CTTNBP2: variants seen among roughly 807,000 people sequenced by gnomAD.
CTTNBP2 encodes cortactin binding protein 2.
In CTTNBP2, 108 loss-of-function variants were observed where a neutral mutation model predicts 156.9. The observed-to-expected ratio is 0.69, with a 90% CI of 0.59 to 0.81. CTTNBP2 has a LOEUF of 0.81. Among genes scored for constraint, CTTNBP2 ranks in the 30% least tolerant of loss-of-function variants. The pLI, the probability that CTTNBP2 is intolerant of heterozygous loss-of-function variation, is 0.00. For synonymous variants in CTTNBP2, 767 were observed against 751.8 expected (o/e 1.02, Z -0.33); for missense variants, 1,924 against 2,035.4 (o/e 0.95, Z 1.05).
rs143726873 is a variant in CTTNBP2, at chr7:117,765,309, T to C, written c.2896+1750A>G. ...CTTATGGAAGTAATCATAATCTAAA[T>C]GCATATCCTGTCTTTTTTACTTCTC... On this transcript the variant is annotated intron_variant, in intron 9 of 22. Coordinates refer to ENST00000160373, the MANE Select transcript of CTTNBP2 (RefSeq NM_033427.3). 4.6e-5 allele frequency among the ~76,000 whole-genome samples: 7 copies of C among 152,324 alleles called. No individual in the cohort carries two copies. In the East Asian group the frequency reaches 1.4e-3, roughly 29 times the overall value.
At position 117,719,609 on chromosome 7, in the gene CTTNBP2, C is replaced by T. The variant is rs149265601; in HGVS notation, c.4539G>A (p.Thr1513=). The T allele has an allele frequency of 4.6e-5, 75 of 1,613,690 alleles. No individual in the cohort carries two copies. Among genetic ancestry groups the T allele is most frequent in the Non-Finnish European group, 5.3e-5 (62 of 1,179,784 alleles). Residue 1513 remains threonine (T), a synonymous_variant, in exon 21 of 23, where the codon ACG becomes ACA. Transcript: ENST00000160373. ...GAGAGAGTCTCTGATCCAAATTCAA[C>T]GTCAGTGATAGATCATTCTCTAAAG... ...QKSLENDLSL[T]LNLDQRLSLG... is the part of the protein sequence containing the mutation.
chr7:117,852,991 G>T (rs1018150358), intron 2 of CTTNBP2, among the ~76,000 whole-genome samples: 5 of 152,086 alleles, frequency 3.3e-5, no homozygotes, highest in East Asian at 1.9e-4. Flanking sequence ...TAAAGTAGGG[G>T]TACTACCACT....
chr7:117,726,661 C>G (rs1795109675), intron 17 of CTTNBP2, among the ~76,000 whole-genome samples: 1 of 152,142 alleles, frequency 6.6e-6, no homozygotes, highest in Non-Finnish European at 1.5e-5. Context: ...ATAATAAAAA[C>G]AACATCTTCC....
rs1798371570 is a variant in CTTNBP2 at position 117,780,593 on chromosome 7, TA to T, written c.2373-3del. 3 of 1,560,502 alleles carry T rather than the reference TA, an allele frequency of 1.9e-6. No individual in the cohort carries two copies. The highest frequency in any genetic ancestry group is 2.6e-6 in the Non-Finnish European group (3 of 1,155,422). On this transcript the variant is annotated splice_region_variant and splice_polypyrimidine_tract_variant and intron_variant, in intron 6 of 22. Coordinates refer to ENST00000160373, the MANE Select transcript of CTTNBP2 (RefSeq NM_033427.3). ...TATGAAATTAATAATTCTACACACC[TA>T]AACACAAGATTAGGATTAATTACAT...
intron 16 of CTTNBP2, among the ~76,000 whole-genome samples, chr7:117,729,766 G>A (rs527347128): frequency 3.3e-5 from 5 of 152,180 alleles, no homozygotes; most frequent in African/African-American, 1.2e-4. Flanking sequence ...CAGTCTTGAA[G>A]TACAGACAGA....
intron 2 of CTTNBP2, among the ~76,000 whole-genome samples, chr7:117,816,506 TCCCCATGAACTGCCAA>T (rs977234292): frequency 5.9e-5 from 9 of 152,026 alleles, no homozygotes; most frequent in Admixed American, 3.9e-4. Context: ...CCCACATATC[TCCCCATGAACTGCCAA>T]CCCTCACTGC....
chr7:117,741,993 A>G (rs1285270636), intron 14 of CTTNBP2, among the ~76,000 whole-genome samples: 1 of 152,224 alleles, frequency 6.6e-6, no homozygotes, highest in Non-Finnish European at 1.5e-5. Flanking sequence ...ATCATATAAC[A>G]TGTGTGTGGG....
At chr7:117,784,552 C>T (rs1798609006) in intron 4 of CTTNBP2, 98 bp from the exon 5 acceptor site, 1 of 784,174 alleles carries the variant, frequency 1.3e-6, no homozygotes, top group Admixed American at 3.0e-5. Flanking sequence ...AACATATGAA[C>T]ATGTGTCCCT....
At chr7:117,781,376 C>T (rs1233340215) in intron 6 of CTTNBP2, among the ~76,000 whole-genome samples, 5 of 152,338 alleles carry the variant, frequency 3.3e-5, no homozygotes, top group Admixed American at 3.3e-4. Context: ...TTTTCCCTTG[C>T]AGTATCTGAT....
At chr7:117,788,868 C>A (rs978010001) in intron 4 of CTTNBP2, among the ~76,000 whole-genome samples, 1 of 152,030 alleles carries the variant, frequency 6.6e-6, no homozygotes, top group Non-Finnish European at 1.5e-5. Flanking sequence ...GGTTATTCTA[C>A]CAAAAGTAAT....
chr7:117,812,522 AT>A (rs556149367), intron 2 of CTTNBP2, among the ~76,000 whole-genome samples: 197 of 152,196 alleles, frequency 1.3e-3, no homozygotes, highest in African/African-American at 4.3e-3. Flanking sequence ...TTCTTTCCTT[AT>A]CATCAACTTA....
Position 117,728,236 on chromosome 7 carries a change from G to A in CTTNBP2, c.3908C>T (p.Pro1303Leu). The A allele has an allele frequency of 6.2e-7, 1 of 1,613,950 alleles. No homozygotes were observed. The highest frequency in any genetic ancestry group is 1.7e-5 in the Admixed American group (1 of 59,996). The change falls in exon 17 of 23, where the codon CCT becomes CTT. Residue 1303 changes from proline to leucine, a missense_variant. Transcript: ENST00000160373. Reference protein sequence around the residue: ...FKGQAPSPCDPVCKIVDWALS... With the variant: ...FKGQAPSPCDLVCKIVDWALS... ...AGCCCAGTCGACAATCTTGCACACA[G>A]GATCGCAGGGGGAGGGCGCCTGACC...
chr7:117,866,280 C>T (rs1804192133), intron 1 of CTTNBP2, among the ~76,000 whole-genome samples: 1 of 152,126 alleles, frequency 6.6e-6, no homozygotes, highest in Non-Finnish European at 1.5e-5. Context: ...TAAATATTAA[C>T]AGAAAAGTCT....
chr7:117,791,426 A>G lies in CTTNBP2; in HGVS notation c.1770T>C (p.Ser590=). The G allele has an allele frequency of 6.2e-7, 1 of 1,614,196 alleles. No homozygotes were observed. The highest frequency in any genetic ancestry group is 8.5e-7 in the Non-Finnish European group (1 of 1,180,032). The part of the protein sequence containing the change: ...DNKTVASTPS[S]LPQGNRVINE... The stretch of plus-strand genomic sequence containing the variant: ...TGATCACCCTGTTCCCTTGTGGCAA[A>G]CTGGAAGGAGTCGAAGCCACAGTTT... Residue 590 remains serine (S), a synonymous_variant, in exon 4 of 23, where the codon AGT becomes AGC. Coordinates refer to ENST00000160373, the MANE Select transcript of CTTNBP2 (RefSeq NM_033427.3).
At chr7:117,734,212 G>T (rs974643573) in intron 16 of CTTNBP2, among the ~76,000 whole-genome samples, 1 of 152,156 alleles carries the variant, frequency 6.6e-6, no homozygotes, top group African/African-American at 2.4e-5. Flanking sequence ...AGCAGTTGGG[G>T]TGTTATTAGC....
chr7:117,821,330 T>G lies in CTTNBP2; in HGVS notation c.190-10341A>C, dbSNP rs547266921. On this transcript the variant is annotated intron_variant, in intron 2 of 22. Coordinates refer to ENST00000160373, the MANE Select transcript of CTTNBP2 (RefSeq NM_033427.3). ...CCCTCAATTATGTTGGCTGTGTGGT[T>G]TTTTTTTTGTTGTTGTTTTTCAGTT... 6.3e-4 allele frequency among the ~76,000 whole-genome samples: 96 copies of G among 151,294 alleles called. 1 individual carries two copies. Among genetic ancestry groups the G allele is most frequent in the Admixed American group, 2.1e-3 (32 of 15,198 alleles).
At chr7:117,718,452 G>T (rs549720577) in intron 21 of CTTNBP2, among the ~76,000 whole-genome samples, 2 of 152,286 alleles carry the variant, frequency 1.3e-5, no homozygotes, top group East Asian at 1.9e-4. Flanking sequence ...TTTTCCAGTG[G>T]ATATATACTT....
intron 19 of CTTNBP2, 48 bp downstream of exon 19, chr7:117,724,499 A>G (rs1263248599): frequency 6.7e-7 from 1 of 1,483,486 alleles, no homozygotes; most frequent in African/African-American, 1.4e-5. Flanking sequence ...ACACTGGATC[A>G]CGTATGTCCA....
At chr7:117,749,638 T>G (rs1796520255) in intron 12 of CTTNBP2, among the ~76,000 whole-genome samples, 1 of 152,070 alleles carries the variant, frequency 6.6e-6, no homozygotes, top group South Asian at 2.1e-4. Flanking sequence ...AATATCATAG[T>G]GCTGCAAAAA....
Sources: allele counts gnomAD v4.1 joint callset (sites outside exome capture counted in the v4.1 genomes callset), GRCh38; gene constraint gnomAD v4.1.1; transcripts MANE v1.5; gene names NCBI Gene and HGNC (gene_info 2026-07-23, HGNC 2026-07-21).